The following ERC2 variants were observed in gnomAD, a reference collection of about 807,000 sequenced individuals.
ERC2 encodes ERC protein 2.
ERC2 carries 42 observed loss-of-function variants against 114.8 expected under a neutral mutation model. The observed-to-expected ratio is 0.37, with a 90% CI of 0.29 to 0.47. The LOEUF (loss-of-function observed/expected upper bound fraction) is 0.47, where lower values mean the gene tolerates loss of function less well. ERC2 is among the 20% of genes least tolerant of loss of function. ERC2 has a pLI of 0.99. For missense variants in ERC2, 939 were observed against 1,150.7 expected (o/e 0.82, Z 2.66); for synonymous variants, 454 against 425.5 (o/e 1.07, Z -0.82).
Position 55,936,813 on chromosome 3 carries a change from C to T in ERC2, c.2403+13612G>A, listed in dbSNP as rs181952232. ...TACAGAGCCCTCACCAGTGTAAATG[C>T]TGAAAAACAACATGACATCATCAGC... On this transcript the variant is annotated intron_variant, in intron 13 of 17. Transcript: ENST00000288221. 5.9e-5 allele frequency among the ~76,000 whole-genome samples: 9 copies of T among 152,284 alleles called. No homozygotes were observed. In the East Asian group the frequency reaches 1.7e-3, roughly 29 times the overall value.
At position 56,343,044 on chromosome 3, in the gene ERC2, G is replaced by A. The variant is rs1377830708; in HGVS notation, c.658-46609C>T. 1.3e-5 allele frequency among the ~76,000 whole-genome samples: 2 copies of A among 152,004 alleles called. 1 individual carries two copies. Among genetic ancestry groups the A allele is most frequent in the African/African-American group, 4.8e-5 (2 of 41,364 alleles). On this transcript the variant is annotated intron_variant, in intron 2 of 17. Coordinates refer to ENST00000288221, the MANE Select transcript of ERC2 (RefSeq NM_015576.3). ...TGATCTTCATCACATCTAAAGACTTGACAGACCCATACCAACCTTTCCCAC... is the reference window on the plus strand; with the variant it reads ...TGATCTTCATCACATCTAAAGACTTAACAGACCCATACCAACCTTTCCCAC...
rs141042777 is a variant in ERC2 at position 56,135,620 on chromosome 3, T to C, written c.1473+3889A>G. Among the ~76,000 whole-genome samples, 218 of 152,360 alleles carry C rather than the reference T, an allele frequency of 1.4e-3. 1 individual carries two copies. Among genetic ancestry groups the C allele is most frequent in the African/African-American group, 5.0e-3 (208 of 41,588 alleles). On this transcript the variant is annotated intron_variant, in intron 6 of 17. Transcript: ENST00000288221. ...GGCTGATACAATGACTGCCATTTCA[T>C]AGACTGTGACATGAAGGCTCAGAGA...
intron 2 of ERC2, 22 bp downstream of exon 2, chr3:56,434,329 A>G: frequency 1.2e-6 from 2 of 1,604,484 alleles, no homozygotes; most frequent in Non-Finnish European, 1.7e-6. Flanking sequence ...GCTGAAAAAT[A>G]CTGAGATGAG....
intron 5 of ERC2, among the ~76,000 whole-genome samples, chr3:56,140,065 C>T (rs751923085): frequency 6.6e-6 from 1 of 152,124 alleles, no homozygotes; most frequent in Non-Finnish European, 1.5e-5. Context: ...GGCATAACTC[C>T]ACAGTGCAAA....
intron 14 of ERC2, among the ~76,000 whole-genome samples, chr3:55,746,493 C>A (rs573703806): frequency 1.3e-5 from 2 of 152,064 alleles, no homozygotes; most frequent in South Asian, 4.1e-4. Context: ...CTCAGGTGAT[C>A]GGCCTCCCAA....
At chr3:56,037,887 G>A (rs941760055) in intron 7 of ERC2, among the ~76,000 whole-genome samples, 4 of 152,006 alleles carry the variant, frequency 2.6e-5, no homozygotes, top group Admixed American at 6.6e-5. Context: ...AAGAGATTGG[G>A]GGCCAATATT....
chr3:56,407,360 T>C (rs2060769777), intron 2 of ERC2, among the ~76,000 whole-genome samples: 1 of 152,216 alleles, frequency 6.6e-6, no homozygotes, highest in Non-Finnish European at 1.5e-5. Context: ...ACGTCCTCTC[T>C]AATTTCCATT....
At chr3:56,344,615 C>A (rs1309800310) in intron 2 of ERC2, among the ~76,000 whole-genome samples, 3 of 152,172 alleles carry the variant, frequency 2.0e-5, no homozygotes, top group Non-Finnish European at 4.4e-5. Context: ...TTATTTATTT[C>A]TTTGATAGCT....
chr3:56,323,433 C>A (rs1427209737), intron 2 of ERC2, among the ~76,000 whole-genome samples: 1 of 152,156 alleles, frequency 6.6e-6, no homozygotes, highest in African/African-American at 2.4e-5. Flanking sequence ...CCAGCAACAA[C>A]CACCAGACAT....
chr3:55,793,737 A>G (rs2070247668), intron 14 of ERC2, among the ~76,000 whole-genome samples: 1 of 152,158 alleles, frequency 6.6e-6, no homozygotes, highest in Non-Finnish European at 1.5e-5. Context: ...CGTATTATTT[A>G]GGGCCCCCGT....
At chr3:56,204,034 A>G (rs986848216) in intron 3 of ERC2, among the ~76,000 whole-genome samples, 1 of 152,142 alleles carries the variant, frequency 6.6e-6, no homozygotes, top group South Asian at 2.1e-4. Context: ...ACACACACAA[A>G]AAAAAGTTAG....
chr3:56,003,752 T>C (rs1289141000), intron 10 of ERC2, among the ~76,000 whole-genome samples: 1 of 152,118 alleles, frequency 6.6e-6, no homozygotes, highest in Non-Finnish European at 1.5e-5. Flanking sequence ...ATTACCAACT[T>C]CTACTGTTGT....
At chr3:56,192,581 T>G (rs2047856809) in intron 3 of ERC2, among the ~76,000 whole-genome samples, 1 of 152,108 alleles carries the variant, frequency 6.6e-6, no homozygotes, top group African/African-American at 2.4e-5. Flanking sequence ...ACAGGGTTGG[T>G]GAGCAGCTGA....
At chr3:55,597,714 A>G (rs928390676) in intron 17 of ERC2, among the ~76,000 whole-genome samples, 1 of 152,142 alleles carries the variant, frequency 6.6e-6, no homozygotes, top group Non-Finnish European at 1.5e-5. Flanking sequence ...TGCAACATCT[A>G]GCTCCTGGAA....
intron 1 of ERC2, among the ~76,000 whole-genome samples, chr3:56,463,892 A>G (rs1245996239): frequency 6.6e-6 from 1 of 152,218 alleles, no homozygotes; most frequent in Non-Finnish European, 1.5e-5. Context: ...TCAGAATAAA[A>G]CTGTGTTCAC....
At chr3:55,517,266 C>A (rs2052581887) in intron 17 of ERC2, among the ~76,000 whole-genome samples, 1 of 151,772 alleles carries the variant, frequency 6.6e-6, no homozygotes, top group Non-Finnish European at 1.5e-5. Context: ...CATGGTGAAA[C>A]CCCGTCTCCA....
chr3:56,368,495 C>A (rs1327003061), intron 2 of ERC2, among the ~76,000 whole-genome samples: 1 of 152,198 alleles, frequency 6.6e-6, no homozygotes, highest in Non-Finnish European at 1.5e-5. Context: ...TAACCTTCAA[C>A]AACATGCAAG....
intron 15 of ERC2, among the ~76,000 whole-genome samples, chr3:55,710,354 AC>A (rs993281718): frequency 6.6e-6 from 1 of 151,394 alleles, no homozygotes; most frequent in East Asian, 2.0e-4. Flanking sequence ...GCGATAACTT[AC>A]CCCCCCAAAG....
chr3:56,319,169 C>CA lies in ERC2; in HGVS notation c.658-22735dup, dbSNP rs2057009615. Among the ~76,000 whole-genome samples, 3 of 151,968 alleles carry CA rather than the reference C, an allele frequency of 2.0e-5. No homozygotes were observed. In the South Asian group the frequency reaches 6.2e-4, roughly 32 times the overall value. On this transcript the variant is annotated intron_variant, in intron 2 of 17. Coordinates refer to ENST00000288221, the MANE Select transcript of ERC2 (RefSeq NM_015576.3). Reference sequence around the variant, plus strand: ...TCCAAAAGAATTGAAATCAGGATCTCAAAGACAAATTCACACTCCTGTGTT... The same window carrying CA: ...TCCAAAAGAATTGAAATCAGGATCTCAAAAGACAAATTCACACTCCTGTGTT...
Sources: allele counts gnomAD v4.1 joint callset (sites outside exome capture counted in the v4.1 genomes callset), GRCh38; gene constraint gnomAD v4.1.1; transcripts MANE v1.5; gene names NCBI Gene and HGNC (gene_info 2026-07-23, HGNC 2026-07-21).